Variants in MAST4 observed in about 807,000 individuals in gnomAD.
The protein encoded by MAST4 is microtubule associated serine/threonine kinase family member 4.
A neutral mutation model predicts 162.7 loss-of-function variants in MAST4; 89 were observed. That is an observed-to-expected ratio of 0.55 (90% CI 0.46 to 0.65). The LOEUF (loss-of-function observed/expected upper bound fraction) is 0.65. Ranked by LOEUF, MAST4 falls within the 30% of genes least tolerant of loss-of-function variation. The pLI, the probability that MAST4 is intolerant of heterozygous loss-of-function variation, is 0.00. For synonymous variants in MAST4, 1,479 were observed against 1,361.1 expected, an observed-to-expected ratio of 1.09 and a Z score of -1.91; for missense variants, 3,153 against 3,374.0, an observed-to-expected ratio of 0.93 and a Z score of 1.62.
chr5:66,748,286 T>C (rs1752889807), intron 1 of MAST4, among the ~76,000 whole-genome samples: 1 of 151,934 alleles, frequency 6.6e-6, no homozygotes, highest in African/African-American at 2.4e-5. Flanking sequence ...TAAATGTCTA[T>C]AAAAAGAGAT....
At chr5:66,910,741 C>CTTTGTTTTTTTTTTTTTTTTTTTTTTT (rs1763690763) in intron 4 of MAST4, among the ~76,000 whole-genome samples, 7 of 20,088 alleles carry the variant, frequency 3.5e-4, no homozygotes, top group Admixed American at 1.3e-3. Context: ...TTTTTTTTTT[C>CTTTGTTTTTTTTTTTTTTTTTTTTTTT]TTTTTTTTTT....
At chr5:67,075,254 T>C (rs1460672006) in intron 5 of MAST4, among the ~76,000 whole-genome samples, 1 of 151,634 alleles carries the variant, frequency 6.6e-6, no homozygotes, top group Admixed American at 6.6e-5. Flanking sequence ...CCCTGCAGCT[T>C]TGAACTCCTC....
At chr5:66,965,207 G>GT (rs778107881) in intron 4 of MAST4, among the ~76,000 whole-genome samples, 10,827 of 82,032 alleles carry the variant, frequency 0.13, 606 homozygotes, top group African/African-American at 0.21. Context: ...CATAAGAGTA[G>GT]TTTTTTTTTT....
At chr5:66,829,281 G>A (rs941817656) in intron 3 of MAST4, among the ~76,000 whole-genome samples, 5 of 151,998 alleles carry the variant, frequency 3.3e-5, no homozygotes, top group Admixed American at 6.6e-5. Flanking sequence ...ATCAACCTCC[G>A]CTCGGCGGCA....
chr5:66,902,658 CA>C (rs1208532295), intron 4 of MAST4: 1 of 470,008 alleles, frequency 2.1e-6, no homozygotes, highest in African/African-American at 2.0e-5. Flanking sequence ...GGTGCAGAAG[CA>C]GTGATTGTGA....
intron 5 of MAST4, among the ~76,000 whole-genome samples, chr5:67,079,861 C>T (rs1178401967): frequency 1.3e-5 from 2 of 152,162 alleles, no homozygotes; most frequent in Admixed American, 1.3e-4. Context: ...GTTCCACATG[C>T]TGGGTCTCTC....
In MAST4 at chr5:66,788,733, A is replaced by G; in HGVS notation, c.581A>G (p.Asn194Ser). The G allele has an allele frequency of 6.2e-7, 1 of 1,613,214 alleles. No homozygotes were observed. Among genetic ancestry groups the G allele is most frequent in the Non-Finnish European group, 8.5e-7 (1 of 1,179,470 alleles). The change falls in exon 3 of 29, where the codon AAC becomes AGC. Residue 194 changes from asparagine (N) to serine (S), a missense_variant. Coordinates refer to ENST00000403625, the MANE Select transcript of MAST4 (RefSeq NM_001164664.2). ...TGGCCGGCCTCTGCAGAGACGTCCA[A>G]CCTCGTGCGCATGCGCAGCCAGGCC... ...QAWPASAETS[N>S]LVRMRSQALG...
chr5:66,837,746 A>G (rs1159107400), intron 3 of MAST4, among the ~76,000 whole-genome samples: 1 of 151,402 alleles, frequency 6.6e-6, no homozygotes, highest in Admixed American at 6.6e-5. Flanking sequence ...GGGTCCAGGT[A>G]ACTCCCAGAT....
chr5:66,728,689 A>C (rs1751663596), intron 1 of MAST4, among the ~76,000 whole-genome samples: 1 of 152,176 alleles, frequency 6.6e-6, no homozygotes, highest in African/African-American at 2.4e-5. Context: ...CAAACAAAGG[A>C]CACCTTCACT....
intron 4 of MAST4, among the ~76,000 whole-genome samples, chr5:66,993,340 C>T (rs74566043): frequency 0.013 from 2,049 of 152,232 alleles, 54 homozygotes; most frequent in African/African-American, 0.046. Context: ...CCATTCATTC[C>T]GCTGAGTGTC....
Position 67,074,384 on chromosome 5 carries a change from TTA to T in MAST4, c.764-15776_764-15775del, listed in dbSNP as rs766946827. On this transcript the variant is annotated intron_variant, in intron 5 of 28. Coordinates refer to ENST00000403625, the MANE Select transcript of MAST4 (RefSeq NM_001164664.2). ...TGGTTTTAGCGAGCAGCTTGATACT[TTA>T]TGTCAAGAGCCCTAAAAATAGTTCA... 2.6e-5 allele frequency among the ~76,000 whole-genome samples: 4 copies of T among 152,330 alleles called. No individual in the cohort carries two copies. The East Asian group carries it at 5.8e-4, about 22-fold the overall frequency.
At chr5:66,645,035 CTG>C (rs1295758054) in intron 1 of MAST4, among the ~76,000 whole-genome samples, 1 of 151,916 alleles carries the variant, frequency 6.6e-6, no homozygotes, top group Non-Finnish European at 1.5e-5. Context: ...GGGAACTGGT[CTG>C]TGTGCCCAGA....
At chr5:66,698,014 G>A (rs1033420061) in intron 1 of MAST4, among the ~76,000 whole-genome samples, 9 of 149,200 alleles carry the variant, frequency 6.0e-5, no homozygotes, top group Admixed American at 1.4e-4. Flanking sequence ...CCTTCCACTC[G>A]TGTGTACTTC....
Position 67,168,159 on chromosome 5 carries a change from G to GT in MAST4, c.*1109dup, listed in dbSNP as rs1243136416. ...AGAACTGGGGGTGGATTTTGGCATC[G>GT]TAGCATATCGATTAAAGAATAATCA... On this transcript the variant is annotated 3_prime_UTR_variant, in exon 29 of 29. Transcript: ENST00000403625. 6.6e-6 allele frequency: 1 copy of GT among 152,164 alleles called. No homozygotes were observed. The highest frequency in any genetic ancestry group is 2.4e-5 in the African/African-American group (1 of 41,430). The allele number at this position is 152,164 out of a possible 1,614,324, so 9.4% of individuals were successfully genotyped here.
chr5:66,606,706 C>T (rs1236787722), intron 1 of MAST4, among the ~76,000 whole-genome samples: 1 of 152,054 alleles, frequency 6.6e-6, no homozygotes, highest in Admixed American at 6.6e-5. Context: ...GGTTTGTGAA[C>T]CCCTCAGGTG....
intron 3 of MAST4, chr5:66,789,702 G>C (rs1478826980): frequency 1.9e-6 from 1 of 518,558 alleles, no homozygotes; most frequent in Admixed American, 1.9e-5. Flanking sequence ...TGATCATCCA[G>C]TCAAAGTGTT....
At chr5:66,662,144 A>G (rs1016774870) in intron 1 of MAST4, among the ~76,000 whole-genome samples, 5 of 152,046 alleles carry the variant, frequency 3.3e-5, no homozygotes, top group Admixed American at 6.6e-5. Flanking sequence ...AGTGAAGAAA[A>G]CAGACATCTC....
intron 1 of MAST4, among the ~76,000 whole-genome samples, chr5:66,625,254 G>A (rs1210524710): frequency 1.3e-5 from 2 of 152,098 alleles, no homozygotes. Flanking sequence ...CCTACAGAAT[G>A]GGAGAAAACC....
chr5:66,642,247 G>A (rs977907886), intron 1 of MAST4, among the ~76,000 whole-genome samples: 1 of 152,178 alleles, frequency 6.6e-6, no homozygotes, highest in African/African-American at 2.4e-5. Flanking sequence ...GGTACCATGT[G>A]GATGCAGTCA....
Sources: allele counts gnomAD v4.1 joint callset (sites outside exome capture counted in the v4.1 genomes callset), GRCh38; gene constraint gnomAD v4.1.1; transcripts MANE v1.5; gene names NCBI Gene and HGNC (gene_info 2026-07-23, HGNC 2026-07-21).